GRXCR2: variants seen among roughly 807,000 people sequenced by gnomAD.
GRXCR2 encodes glutaredoxin and cysteine rich domain containing 2, also known as glutaredoxin domain-containing cysteine-rich protein 2.
GRXCR2 carries 23 observed loss-of-function variants against 24.8 expected under a neutral mutation model. The ratio of observed to expected loss-of-function variants is 0.93; its 90% CI spans 0.67 to 1.32. The LOEUF (loss-of-function observed/expected upper bound fraction) is 1.32. Ranked by LOEUF, GRXCR2 falls within the 40% of genes most tolerant of loss-of-function variation. The probability of loss-of-function intolerance (pLI) is 0.00; values close to 1 mark genes in which losing one functional copy is unlikely to be tolerated. For missense variants in GRXCR2, 315 were observed against 303.4 expected (o/e 1.04, Z -0.28); for synonymous variants, 130 against 116.1 (o/e 1.12, Z -0.77).
intron 2 of GRXCR2, among the ~76,000 whole-genome samples, chr5:145,898,844 C>T (rs1353620230): frequency 1.3e-5 from 2 of 152,006 alleles, no homozygotes. Flanking sequence ...TGGAAGCATT[C>T]CCCTTGAACT....
rs1390861689 is a variant in GRXCR2 at position 145,929,198 on chromosome 5, CCTATATATAT to C, written c.-70+6493_-70+6502del. Among the ~76,000 whole-genome samples, 20 of 88,388 alleles carry C rather than the reference CCTATATATAT, an allele frequency of 2.3e-4. 1 individual carries two copies. Among genetic ancestry groups the C allele is most frequent in the East Asian group, 1.6e-3 (4 of 2,450 alleles). The allele number at this position is 88,388 out of a possible 152,430, so 58.0% of individuals were successfully genotyped here. A position where few individuals can be genotyped will look rare whatever the true frequency, so the allele number is the denominator to read the frequency against. On this transcript the variant is annotated intron_variant, in intron 2 of 3. Transcript: ENST00000639411. The stretch of plus-strand genomic sequence containing the variant: ...TTTTAATAGTTGTATAATATTCCCC[CCTATATATAT>C]ATATATATATATATATCACCATTTA...
intron 2 of GRXCR2, 75 bp downstream of exon 2, chr5:145,866,426 T>C: frequency 1.0e-6 from 1 of 986,268 alleles, no homozygotes; most frequent in East Asian, 2.4e-5. Context: ...ACTTAAGCAG[T>C]GCACAATCAA....
chr5:145,907,583 G>A (rs557733757), intron 2 of GRXCR2, among the ~76,000 whole-genome samples: 15 of 152,020 alleles, frequency 9.9e-5, no homozygotes, highest in Non-Finnish European at 1.6e-4. Context: ...GCCACATCGA[G>A]TATAAAGAAG....
intron 2 of GRXCR2, among the ~76,000 whole-genome samples, chr5:145,912,568 T>C (rs983230894): frequency 6.6e-6 from 1 of 152,010 alleles, no homozygotes; most frequent in African/African-American, 2.4e-5. Flanking sequence ...AACAATTTGA[T>C]AGATGGTGGT....
chr5:145,924,450 G>A (rs1004817518), intron 2 of GRXCR2, among the ~76,000 whole-genome samples: 2 of 151,936 alleles, frequency 1.3e-5, no homozygotes, highest in Admixed American at 6.6e-5. Context: ...TCTGTTTCAG[G>A]CTTATCTCCC....
chr5:145,874,925 T>C (rs1467642668), upstream of GRXCR2, among the ~76,000 whole-genome samples: 1 of 152,072 alleles, frequency 6.6e-6, no homozygotes, highest in African/African-American at 2.4e-5. Flanking sequence ...TGATTTAGAG[T>C]GTCAAATTTC....
chr5:145,892,220 G>T (rs1407870978), intron 2 of GRXCR2, among the ~76,000 whole-genome samples: 2 of 152,174 alleles, frequency 1.3e-5, no homozygotes, highest in African/African-American at 4.8e-5. Context: ...CTAAAAATCA[G>T]AGCGCCTCTC....
intron 2 of GRXCR2, among the ~76,000 whole-genome samples, chr5:145,916,319 T>A (rs934499494): frequency 6.6e-6 from 1 of 152,236 alleles, no homozygotes; most frequent in Non-Finnish European, 1.5e-5. Context: ...GGGAAATTGA[T>A]GCTCTGTGGA....
intron 1 of GRXCR2, among the ~76,000 whole-genome samples, chr5:145,869,890 A>G (rs942729829): frequency 1.3e-5 from 2 of 152,008 alleles, no homozygotes; most frequent in African/African-American, 4.8e-5. Flanking sequence ...TAAAATCATC[A>G]CAACAACTCT....
At chr5:145,912,521 CCA>C (rs1227252282) in intron 2 of GRXCR2, among the ~76,000 whole-genome samples, 2 of 152,130 alleles carry the variant, frequency 1.3e-5, no homozygotes, top group African/African-American at 4.8e-5. Context: ...AGGGGAAAGA[CCA>C]CACACAGATA....
At chr5:145,871,090 A>G (rs1756523760) in intron 1 of GRXCR2, among the ~76,000 whole-genome samples, 2 of 152,144 alleles carry the variant, frequency 1.3e-5, no homozygotes, top group South Asian at 4.1e-4. Flanking sequence ...AAAAAAAATT[A>G]TACATTTTCA....
intron 2 of GRXCR2, among the ~76,000 whole-genome samples, chr5:145,894,603 T>C (rs540599250): frequency 6.6e-6 from 1 of 152,322 alleles, no homozygotes; most frequent in Admixed American, 6.5e-5. Context: ...AATCTCTGAA[T>C]AGACCAATAA....
At chr5:145,870,608 A>G (rs771103757) in intron 1 of GRXCR2, among the ~76,000 whole-genome samples, 24 of 152,154 alleles carry the variant, frequency 1.6e-4, no homozygotes, top group Non-Finnish European at 1.2e-4. Flanking sequence ...TTGCTACCCA[A>G]TGTGGTCTCA....
chr5:145,861,979 T>G (rs1756347128), intron 2 of GRXCR2, among the ~76,000 whole-genome samples: 1 of 152,230 alleles, frequency 6.6e-6, no homozygotes, highest in South Asian at 2.1e-4. Context: ...CGTTAATATT[T>G]TATTGATTGC....
intron 2 of GRXCR2, among the ~76,000 whole-genome samples, chr5:145,915,492 A>G (rs1757224011): frequency 6.6e-6 from 1 of 152,208 alleles, no homozygotes; most frequent in East Asian, 1.9e-4. Context: ...CTGGTTACAA[A>G]CGTAGGCTCA....
At chr5:145,904,047 G>A (rs566989197) in intron 2 of GRXCR2, among the ~76,000 whole-genome samples, 6 of 152,036 alleles carry the variant, frequency 3.9e-5, no homozygotes, top group Non-Finnish European at 5.9e-5. Flanking sequence ...CAGTTGTGTC[G>A]GGAAAGGCTG....
At chr5:145,908,741 C>T (rs1432335163) in intron 2 of GRXCR2, among the ~76,000 whole-genome samples, 1 of 152,166 alleles carries the variant, frequency 6.6e-6, no homozygotes, top group Non-Finnish European at 1.5e-5. Flanking sequence ...GCTTCCAGCT[C>T]CAGTTCTTTG....
At chr5:145,894,101 A>T (rs562163353) in intron 2 of GRXCR2, among the ~76,000 whole-genome samples, 1 of 152,356 alleles carries the variant, frequency 6.6e-6, no homozygotes, top group East Asian at 1.9e-4. Context: ...CAAAGACACA[A>T]CATACCAGAA....
In GRXCR2 at chr5:145,873,001, TC is replaced by T; in HGVS notation, c.-34del. On this transcript the variant is annotated 5_prime_UTR_variant, in exon 1 of 3. Transcript: ENST00000377976. ...AAGTTGACCCTGTGGTCTCCAGCCT[TC>T]CGTGCAGCCGGTGAAACTTGGGCCT... The T allele has an allele frequency of 6.3e-7, 1 of 1,581,310 alleles. No homozygotes were observed. The highest frequency in any genetic ancestry group is 8.7e-7 in the Non-Finnish European group (1 of 1,154,258).
Sources: allele counts gnomAD v4.1 joint callset (sites outside exome capture counted in the v4.1 genomes callset), GRCh38; gene constraint gnomAD v4.1.1; transcripts MANE v1.5; gene names NCBI Gene and HGNC (gene_info 2026-07-23, HGNC 2026-07-21).